The following EPB41L1 variants were observed in gnomAD, a reference collection of about 807,000 sequenced individuals.
EPB41L1 encodes band 4.1-like protein 1.
EPB41L1 carries 29 observed loss-of-function variants against 97.8 expected under a neutral mutation model. The observed-to-expected ratio is 0.30, with a 90% CI of 0.22 to 0.40. The LOEUF (loss-of-function observed/expected upper bound fraction) is 0.40. Ranked by LOEUF, EPB41L1 falls within the 10% of genes least tolerant of loss-of-function variation. The pLI is 1.00. For missense variants in EPB41L1, 812 were observed against 1,162.3 expected, an observed-to-expected ratio of 0.70 and a Z score of 4.38; for synonymous variants, 383 against 459.2, an observed-to-expected ratio of 0.83 and a Z score of 2.12.
intron 2 of EPB41L1, among the ~76,000 whole-genome samples, chr20:36,137,685 C>T (rs1287329368): frequency 6.6e-6 from 1 of 151,834 alleles, no homozygotes; most frequent in African/African-American, 2.4e-5. Context: ...CCACCGTGCC[C>T]GTCTGATTTT....
chr20:36,139,794 C>G (rs762936825), intron 2 of EPB41L1, among the ~76,000 whole-genome samples: 3 of 151,650 alleles, frequency 2.0e-5, no homozygotes, highest in Non-Finnish European at 4.4e-5. Flanking sequence ...TGCAATGGTA[C>G]GATCTGGGCT....
intron 1 of EPB41L1, among the ~76,000 whole-genome samples, chr20:36,097,926 A>C (rs1379092156): frequency 6.6e-6 from 1 of 152,174 alleles, no homozygotes; most frequent in Non-Finnish European, 1.5e-5. Flanking sequence ...GAGCTGGGGA[A>C]GAGGAGTAAG....
At chr20:36,226,065 C>T (rs1352068110) in intron 21 of EPB41L1, among the ~76,000 whole-genome samples, 1 of 152,172 alleles carries the variant, frequency 6.6e-6, no homozygotes, top group East Asian at 1.9e-4. Context: ...ACATGCTTTA[C>T]CAGTAATTAT....
intron 2 of EPB41L1, among the ~76,000 whole-genome samples, chr20:36,126,062 G>A (rs1004862416): frequency 6.6e-6 from 1 of 152,142 alleles, no homozygotes; most frequent in African/African-American, 2.4e-5. Flanking sequence ...AGTGCATGTG[G>A]GTTTTGATGC....
chr20:36,097,840 A>T (rs1235425514), intron 1 of EPB41L1, among the ~76,000 whole-genome samples: 1 of 152,212 alleles, frequency 6.6e-6, no homozygotes, highest in African/African-American at 2.4e-5. Flanking sequence ...GAATGACTGG[A>T]GATAAAGCTG....
rs543552366 is a variant in EPB41L1 at position 36,175,597 on chromosome 20, C to T, written c.224C>T (p.Ser75Leu). Reference sequence around the variant, plus strand: ...GACTACAGTGAGGCCGATGGCCTTTCGGAGAGGACCACGCCCAGCAAGGCC... The same window carrying T: ...GACTACAGTGAGGCCGATGGCCTTTTGGAGAGGACCACGCCCAGCAAGGCC... ...EKDYSEADGL[S>L]ERTTPSKAQK... Residue 75 changes from serine to leucine, a missense_variant, in exon 3 of 22, where the codon TCG (serine) becomes TTG (leucine). Transcript: ENST00000338074. The T allele has an allele frequency of 9.3e-6, 15 of 1,614,180 alleles. No homozygotes were observed. Among genetic ancestry groups the T allele is most frequent in the South Asian group, 4.4e-5 (4 of 91,084 alleles).
chr20:36,216,713 G>A (rs752798215), intron 17 of EPB41L1, among the ~76,000 whole-genome samples: 6 of 152,140 alleles, frequency 3.9e-5, no homozygotes, highest in Non-Finnish European at 7.3e-5. Context: ...GGAACATCCC[G>A]GGGCTCTAGG....
chr20:36,106,254 T>C (rs2058189127), intron 1 of EPB41L1, among the ~76,000 whole-genome samples: 1 of 152,246 alleles, frequency 6.6e-6, no homozygotes. Context: ...TCTCCTTCCC[T>C]TTTGTCCTCT....
At chr20:36,170,210 T>C (rs915335196) in intron 1 of EPB41L1, among the ~76,000 whole-genome samples, 1 of 152,186 alleles carries the variant, frequency 6.6e-6, no homozygotes, top group Admixed American at 6.5e-5. Flanking sequence ...TTTATCTCCT[T>C]CTCATACTGC....
At chr20:36,103,522 C>T (rs6058407) in intron 1 of EPB41L1, among the ~76,000 whole-genome samples, 1 of 152,140 alleles carries the variant, frequency 6.6e-6, no homozygotes, top group Non-Finnish European at 1.5e-5. Context: ...CTCTCCGAGC[C>T]TTAATTTTCT....
At chr20:36,185,484 A>G in intron 7 of EPB41L1, 149 bp downstream of exon 7, 1 of 769,322 alleles carries the variant, frequency 1.3e-6, no homozygotes, top group Admixed American at 2.1e-5. Flanking sequence ...AGAGCAAATC[A>G]TCTCTGTAAA....
chr20:36,125,632 T>C, intron 2 of EPB41L1: 2 of 1,493,088 alleles, frequency 1.3e-6, no homozygotes, highest in Non-Finnish European at 1.8e-6. Context: ...GTTTCCTGTG[T>C]GTGTTGGGGA....
At chr20:36,131,967 G>A (rs146897278) in intron 2 of EPB41L1, among the ~76,000 whole-genome samples, 16 of 152,270 alleles carry the variant, frequency 1.1e-4, no homozygotes, top group African/African-American at 3.4e-4. Context: ...CCCCCACAAA[G>A]TTATCTCTCT....
intron 14 of EPB41L1, among the ~76,000 whole-genome samples, chr20:36,199,133 A>G (rs546303189): frequency 6.6e-6 from 1 of 152,336 alleles, no homozygotes; most frequent in Admixed American, 6.5e-5. Flanking sequence ...GCATTCACAG[A>G]CGACTTTTCT....
At chr20:36,105,631 T>C (rs946074311) in intron 1 of EPB41L1, among the ~76,000 whole-genome samples, 3 of 152,156 alleles carry the variant, frequency 2.0e-5, no homozygotes, top group Non-Finnish European at 4.4e-5. Flanking sequence ...CAGGGAGTGA[T>C]GGGAAGAAGG....
Position 36,229,445 on chromosome 20 carries a change from G to A in EPB41L1, c.*105G>A, listed in dbSNP as rs1367793363. The A allele has an allele frequency of 2.8e-6, 3 of 1,066,394 alleles. No individual in the cohort carries two copies. The highest frequency in any genetic ancestry group is 4.4e-6 in the Non-Finnish European group (3 of 681,984). 66.1% of individuals were successfully genotyped at this position (1,066,394 alleles called of 1,614,324 possible). A position where few individuals can be genotyped will look rare whatever the true frequency, so the allele number is the denominator to read the frequency against. Reference sequence around the variant, plus strand: ...CCGACGCAACACTGACGTCCCAGCTGCGACGTACTGTCACTGATGAGAGAC... The same window carrying A: ...CCGACGCAACACTGACGTCCCAGCTACGACGTACTGTCACTGATGAGAGAC... On this transcript the variant is annotated 3_prime_UTR_variant, in exon 22 of 22. Transcript: ENST00000338074.
intron 14 of EPB41L1, among the ~76,000 whole-genome samples, chr20:36,203,260 G>A (rs1355898516): frequency 6.6e-6 from 1 of 152,184 alleles, no homozygotes; most frequent in African/African-American, 2.4e-5. Context: ...GTCCCCCGCT[G>A]CTCAGCCTGT....
At chr20:36,224,220 G>A (rs2063965438) in intron 21 of EPB41L1, among the ~76,000 whole-genome samples, 1 of 152,100 alleles carries the variant, frequency 6.6e-6, no homozygotes, top group Non-Finnish European at 1.5e-5. Context: ...AAAGAAATGT[G>A]CTTTAAGGGT....
chr20:36,155,608 C>A (rs771997637), intron 1 of EPB41L1: 17 of 456,510 alleles, frequency 3.7e-5, no homozygotes, highest in Middle Eastern at 3.3e-4. Context: ...GGTGCAGAGG[C>A]CACTGACTGG....
Sources: allele counts gnomAD v4.1 joint callset (sites outside exome capture counted in the v4.1 genomes callset), GRCh38; gene constraint gnomAD v4.1.1; transcripts MANE v1.5; gene names NCBI Gene and HGNC (gene_info 2026-07-23, HGNC 2026-07-21).